GLIS3: variants seen among roughly 807,000 people sequenced by gnomAD.
GLIS3 encodes the protein zinc finger protein GLIS3.
In GLIS3, 53 loss-of-function variants were observed where a neutral mutation model predicts 78.6. The ratio of observed to expected loss-of-function variants is 0.67; its 90% confidence interval spans 0.54 to 0.85. The LOEUF (loss-of-function observed/expected upper bound fraction) is 0.85. Ranked by LOEUF, GLIS3 falls within the 40% of genes least tolerant of loss-of-function variation. GLIS3 has a pLI of 0.00. For missense variants in GLIS3, 1,703 were observed against 1,231.1 expected, an observed-to-expected ratio of 1.38 and a Z score of -5.74; for synonymous variants, 684 against 509.9, an observed-to-expected ratio of 1.34 and a Z score of -4.60.
intron 4 of GLIS3, among the ~76,000 whole-genome samples, chr9:4,073,594 T>C (rs892438793): frequency 6.6e-6 from 1 of 152,098 alleles, no homozygotes; most frequent in African/African-American, 2.4e-5. Flanking sequence ...GGATTGCCCC[T>C]GCTGGTGGTT....
intron 2 of GLIS3, among the ~76,000 whole-genome samples, chr9:4,257,388 G>C (rs1435734949): frequency 2.0e-5 from 3 of 152,118 alleles, no homozygotes; most frequent in Non-Finnish European, 2.9e-5. Flanking sequence ...AAATAAACAA[G>C]TCTAGAGTCT....
At chr9:3,908,133 G>A (rs1823847792) in intron 6 of GLIS3, among the ~76,000 whole-genome samples, 1 of 152,190 alleles carries the variant, frequency 6.6e-6, no homozygotes, top group Non-Finnish European at 1.5e-5. Context: ...AGGGGCTTCA[G>A]ATGTCACTGT....
chr9:4,106,048 A>G (rs993886580), intron 4 of GLIS3, among the ~76,000 whole-genome samples: 18 of 152,200 alleles, frequency 1.2e-4, no homozygotes, highest in African/African-American at 4.3e-4. Context: ...TGGAGCTTTC[A>G]GAAACAAACG....
At chr9:3,907,477 C>A (rs1823786934) in intron 6 of GLIS3, among the ~76,000 whole-genome samples, 1 of 152,068 alleles carries the variant, frequency 6.6e-6, no homozygotes, top group Non-Finnish European at 1.5e-5. Context: ...GCAGAAACTA[C>A]TGATGCCCCA....
At chr9:3,967,389 G>A (rs1372853046) in intron 4 of GLIS3, among the ~76,000 whole-genome samples, 4 of 152,120 alleles carry the variant, frequency 2.6e-5, no homozygotes, top group African/African-American at 9.7e-5. Context: ...TGTAGTCCCA[G>A]CTACTCAGGA....
chr9:4,008,198 G>A (rs544123415), intron 4 of GLIS3, among the ~76,000 whole-genome samples: 15 of 152,300 alleles, frequency 9.8e-5, no homozygotes. Flanking sequence ...GATGCTATAA[G>A]ATCCCTGAGG....
chr9:3,957,785 C>A (rs909082764), intron 4 of GLIS3, among the ~76,000 whole-genome samples: 2 of 152,118 alleles, frequency 1.3e-5, no homozygotes, highest in Non-Finnish European at 2.9e-5. Context: ...TTCCTTTTGT[C>A]TGAAAAATTA....
chr9:4,213,493 C>G (rs1466249849), intron 2 of GLIS3, among the ~76,000 whole-genome samples: 1 of 152,200 alleles, frequency 6.6e-6, no homozygotes, highest in Non-Finnish European at 1.5e-5. Context: ...TTTGCACTCT[C>G]CACTATGGTT....
At chr9:3,879,874 A>T (rs1821612502) in intron 7 of GLIS3, among the ~76,000 whole-genome samples, 1 of 152,044 alleles carries the variant, frequency 6.6e-6, no homozygotes, top group East Asian at 1.9e-4. Context: ...GACACTGTAT[A>T]ATTAGTCAGT....
At chr9:4,403,276 A>G in the GLIS3 span, among the ~76,000 whole-genome samples, 1 of 152,214 alleles carries the variant, frequency 6.6e-6, no homozygotes, top group Non-Finnish European at 1.5e-5. Context: ...GAGGGATTTT[A>G]TCAACACCAG....
chr9:4,110,121 A>G (rs1408888299), intron 4 of GLIS3, among the ~76,000 whole-genome samples: 1 of 152,216 alleles, frequency 6.6e-6, no homozygotes, highest in Non-Finnish European at 1.5e-5. Flanking sequence ...GCTTGCACTC[A>G]GTGATCAAAC....
intron 2 of GLIS3, among the ~76,000 whole-genome samples, chr9:4,170,906 G>A (rs975548487): frequency 6.6e-6 from 1 of 152,102 alleles, no homozygotes; most frequent in African/African-American, 2.4e-5. Context: ...GAAACACAAT[G>A]AAGTAGAAAA....
the GLIS3 span, among the ~76,000 whole-genome samples, chr9:4,446,114 G>C: frequency 6.6e-6 from 1 of 152,198 alleles, no homozygotes; most frequent in Non-Finnish European, 1.5e-5. Context: ...TTACCAGGCT[G>C]TGATCTCTGA....
rs1295318596 is a variant in GLIS3 at position 4,299,497 on chromosome 9, G to GCGGC, written c.-179_-176dup. 1 of 152,526 alleles carries GCGGC rather than the reference G, an allele frequency of 6.6e-6. No individual in the cohort carries two copies. Among genetic ancestry groups the GCGGC allele is most frequent in the East Asian group, 1.9e-4 (1 of 5,160 alleles). The allele number at this position is 152,526 out of a possible 1,614,324, so 9.4% of individuals were successfully genotyped here. ...GGCCGGCCAGCGCGAGTGACAGCGG[G>GCGGC]CGGCCGGCGCTGGCGAGGAGTAACT... On this transcript the variant is annotated 5_prime_UTR_variant, in exon 1 of 11. Transcript: ENST00000381971.
chr9:4,322,427 T>A (rs982337498), intron 2 of GLIS3, among the ~76,000 whole-genome samples: 1 of 152,174 alleles, frequency 6.6e-6, no homozygotes, highest in Admixed American at 6.5e-5. Context: ...AGTAATGGGA[T>A]TGCTGGGTCA....
chr9:4,357,999 T>A, the GLIS3 span, among the ~76,000 whole-genome samples: 4 of 152,190 alleles, frequency 2.6e-5, no homozygotes, highest in Non-Finnish European at 5.9e-5. Context: ...TATGCCTTTG[T>A]TTTTTAAAAA....
At chr9:4,248,117 C>T (rs916984025) in intron 2 of GLIS3, among the ~76,000 whole-genome samples, 3 of 152,140 alleles carry the variant, frequency 2.0e-5, no homozygotes, top group Non-Finnish European at 2.9e-5. Flanking sequence ...ACTTTAAGTT[C>T]TGGGATGCAT....
intron 2 of GLIS3, among the ~76,000 whole-genome samples, chr9:4,240,797 C>A (rs1393429822): frequency 1.3e-5 from 2 of 152,006 alleles, no homozygotes; most frequent in Non-Finnish European, 2.9e-5. Flanking sequence ...GTACAACAAA[C>A]CCTCATGATA....
chr9:4,487,780 C>G, the GLIS3 span, among the ~76,000 whole-genome samples: 1 of 151,800 alleles, frequency 6.6e-6, no homozygotes, highest in Non-Finnish European at 1.5e-5. Context: ...CTCGAACTCC[C>G]GGGCTCAAAC....
Sources: allele counts gnomAD v4.1 joint callset (sites outside exome capture counted in the v4.1 genomes callset), GRCh38; gene constraint gnomAD v4.1.1; transcripts MANE v1.5; gene names NCBI Gene and HGNC (gene_info 2026-07-23, HGNC 2026-07-21).